The following STON1 variants were observed in gnomAD, a reference collection of about 807,000 sequenced individuals.
The protein encoded by STON1 is stonin 1.
A neutral mutation model predicts 60.9 loss-of-function variants in STON1; 79 were observed. The observed-to-expected ratio is 1.30, with a 90% CI of 1.08 to 1.56. The LOEUF (loss-of-function observed/expected upper bound fraction) is 1.56, where lower values mean the gene tolerates loss of function less well. Among genes scored for constraint, STON1 ranks in the 40% most tolerant of loss-of-function variants. The pLI, the probability that STON1 is intolerant of heterozygous loss-of-function variation, is 0.00. For missense variants in STON1, 1,166 were observed against 858.9 expected, an observed-to-expected ratio of 1.36 and a Z score of -4.47; for synonymous variants, 363 against 306.9, an observed-to-expected ratio of 1.18 and a Z score of -1.91.
intron 1 of STON1, among the ~76,000 whole-genome samples, chr2:48,571,488 C>A (rs17325698): frequency 0.065 from 9,967 of 152,252 alleles, 463 homozygotes; most frequent in Non-Finnish European, 0.1. Context: ...ATATCTAGAC[C>A]AACCCTACTT....
chr2:48,570,953 C>T (rs1319516913), intron 1 of STON1, among the ~76,000 whole-genome samples: 1 of 149,678 alleles, frequency 6.7e-6, no homozygotes, highest in Non-Finnish European at 1.5e-5. Context: ...ACCTCCACCT[C>T]CTGGGCTCAA....
chr2:48,540,845 G>T (rs1671622504), intron 1 of STON1, among the ~76,000 whole-genome samples: 1 of 152,124 alleles, frequency 6.6e-6, no homozygotes. Flanking sequence ...AGGACACCCA[G>T]CTGGTGTCTG....
intron 2 of STON1, among the ~76,000 whole-genome samples, chr2:48,587,078 C>A (rs1052243442): frequency 6.6e-6 from 1 of 152,194 alleles, no homozygotes; most frequent in African/African-American, 2.4e-5. Flanking sequence ...ATGTTAGCAT[C>A]ATTAAAGCTT....
In STON1 at chr2:48,581,907, G is replaced by C. The variant is rs370031309; in HGVS notation, c.1274G>C (p.Gly425Ala). 9.3e-6 allele frequency: 15 copies of C among 1,613,962 alleles called. No homozygotes were observed. In the African/African-American group the frequency reaches 2.0e-4, roughly 22 times the overall value. Residue 425 changes from glycine (G) to alanine (A), a missense_variant, in exon 2 of 4, where the codon GGT becomes GCT. Coordinates refer to ENST00000404752, the MANE Select transcript of STON1 (RefSeq NM_006873.4). ...TTGGAAATTGTGGACAACTTTTGGGGTAAAGTCACAAAAGAAGGAAAATTT... is the reference window on the plus strand; with the variant it reads ...TTGGAAATTGTGGACAACTTTTGGGCTAAAGTCACAAAAGAAGGAAAATTT... ...ISLEIVDNFW[G>A]KVTKEGKFVE... is the part of the protein sequence containing the mutation.
chr2:48,584,457 GGGGTTTT>G (rs1674082279), intron 2 of STON1, among the ~76,000 whole-genome samples: 1 of 151,834 alleles, frequency 6.6e-6, no homozygotes, highest in Non-Finnish European at 1.5e-5. Context: ...TAGTAGAGAC[GGGGTTTT>G]CCCATGTTGG....
At position 48,557,543 on chromosome 2, in the gene STON1, C is replaced by A. The variant is rs1284632007; in HGVS notation, c.-47-23044C>A. On this transcript the variant is annotated intron_variant, in intron 1 of 3. Coordinates refer to ENST00000404752, the MANE Select transcript of STON1 (RefSeq NM_006873.4). ...CTTCCCAGACGGGGTGGCGGCCGGG[C>A]AGAGGCTGCAATCTCGGCACTTTGG... Among the ~76,000 whole-genome samples the A allele has an allele frequency of 3.5e-5, 4 of 113,252 alleles. 1 individual carries two copies. The highest frequency in any genetic ancestry group is 7.5e-5 in the Non-Finnish European group (4 of 53,194). 74.3% of individuals were successfully genotyped at this position (113,252 alleles called of 152,430 possible). A position where few individuals can be genotyped will look rare whatever the true frequency, so the allele number is the denominator to read the frequency against.
At chr2:48,555,496 G>T (rs1477534509) in intron 1 of STON1, among the ~76,000 whole-genome samples, 6 of 92,274 alleles carry the variant, frequency 6.5e-5, no homozygotes, top group African/African-American at 2.2e-4. Context: ...GGCCGGGTGG[G>T]GGGCTGACCC....
At chr2:48,579,583 T>C (rs779575542) in intron 1 of STON1, among the ~76,000 whole-genome samples, 2 of 152,234 alleles carry the variant, frequency 1.3e-5, no homozygotes, top group African/African-American at 2.4e-5. Context: ...AGAAAAAATG[T>C]TTGTGTGATT....
intron 1 of STON1, among the ~76,000 whole-genome samples, chr2:48,549,686 C>T (rs1672010080): frequency 6.6e-6 from 1 of 151,816 alleles, no homozygotes; most frequent in African/African-American, 2.4e-5. Flanking sequence ...GTGATGGGCT[C>T]CTGTAATCCC....
intron 1 of STON1, among the ~76,000 whole-genome samples, chr2:48,540,113 A>G (rs1671596941): frequency 6.6e-6 from 1 of 151,474 alleles, no homozygotes; most frequent in Admixed American, 6.6e-5. Context: ...CCTAACTTCC[A>G]CTTCCCTCTG....
chr2:48,597,210 C>T lies in STON1; in HGVS notation c.*1908C>T, dbSNP rs563793284. The T allele has an allele frequency of 6.6e-6, 1 of 152,214 alleles. No individual in the cohort carries two copies. Among genetic ancestry groups the T allele is most frequent in the East Asian group, 1.9e-4 (1 of 5,182 alleles). The allele number at this position is 152,214 out of a possible 1,614,324, so 9.4% of individuals were successfully genotyped here. A position where few individuals can be genotyped will look rare whatever the true frequency, so the allele number is the denominator to read the frequency against. On this transcript the variant is annotated 3_prime_UTR_variant, in exon 4 of 4. Coordinates refer to ENST00000404752, the MANE Select transcript of STON1 (RefSeq NM_006873.4). ...TGCTTATAATATCATATGCTTGAGG[C>T]TCACTGTTGATGTAGAGTAGGGCAA...
chr2:48,589,096 A>C (rs939199390), intron 2 of STON1, among the ~76,000 whole-genome samples: 1 of 152,082 alleles, frequency 6.6e-6, no homozygotes, highest in Non-Finnish European at 1.5e-5. Flanking sequence ...GCAATTAAAT[A>C]TATCTACCTC....
intron 1 of STON1, among the ~76,000 whole-genome samples, chr2:48,577,040 C>T (rs55700200): frequency 0.33 from 48,358 of 148,780 alleles, 7,906 homozygotes; most frequent in East Asian, 0.42. Flanking sequence ...GGCGACTGAG[C>T]GAGATTCCAT....
intron 1 of STON1, chr2:48,531,647 G>C (rs1413157361): frequency 6.6e-6 from 1 of 152,248 alleles, no homozygotes; most frequent in African/African-American, 2.4e-5. Context: ...AACCAGAGCA[G>C]CCGGGAGCAG....
At chr2:48,567,809 T>C (rs997645400) in intron 1 of STON1, among the ~76,000 whole-genome samples, 3 of 152,208 alleles carry the variant, frequency 2.0e-5, no homozygotes, top group South Asian at 2.1e-4. Flanking sequence ...TTCCAGGATA[T>C]ACAGTTGTTT....
At chr2:48,536,443 G>T (rs933423556) in intron 1 of STON1, among the ~76,000 whole-genome samples, 1 of 151,458 alleles carries the variant, frequency 6.6e-6, no homozygotes. Flanking sequence ...AGCTACTCGG[G>T]AGGTTGATGC....
intron 1 of STON1, among the ~76,000 whole-genome samples, chr2:48,541,877 C>T (rs1218770680): frequency 3.9e-5 from 6 of 152,118 alleles, no homozygotes; most frequent in Non-Finnish European, 5.9e-5. Context: ...ACGCTTACTG[C>T]GGTGTCTCAC....
chr2:48,591,667 C>A lies in STON1; in HGVS notation c.1945C>A (p.His649Asn). ...PDKNSSLDHPHCLSYKLELGS... is the reference protein window; with the variant it reads ...PDKNSSLDHPNCLSYKLELGS... ...TTTCCCTCGAGGTCTAGATCATCCC[C>A]ATTGTCTGTCATACAAATTAGAGCT... Residue 649 changes from histidine to asparagine, a missense_variant, in exon 3 of 4, where the codon CAT becomes AAT. By Grantham distance (68) the His-to-Asn change is moderately conservative. Transcript: ENST00000404752. 6.2e-7 allele frequency: 1 copy of A among 1,613,966 alleles called. No homozygotes were observed. Among genetic ancestry groups the A allele is most frequent in the Non-Finnish European group, 8.5e-7 (1 of 1,180,020 alleles).
chr2:48,583,687 G>T (rs1674031542), intron 2 of STON1, among the ~76,000 whole-genome samples: 1 of 151,330 alleles, frequency 6.6e-6, no homozygotes, highest in African/African-American at 2.4e-5. Flanking sequence ...GGTGGGGTTG[G>T]GGGACCTGAG....
Sources: allele counts gnomAD v4.1 joint callset (sites outside exome capture counted in the v4.1 genomes callset), GRCh38; gene constraint gnomAD v4.1.1; transcripts MANE v1.5; gene names NCBI Gene and HGNC (gene_info 2026-07-23, HGNC 2026-07-21).